Variants in PFKM observed in about 807,000 individuals in gnomAD.
PFKM encodes phosphofructokinase, muscle, also known as ATP-dependent 6-phosphofructokinase, muscle type.
In PFKM, 58 loss-of-function variants were observed where a neutral mutation model predicts 95.5. The ratio of observed to expected loss-of-function variants is 0.61; its 90% confidence interval spans 0.49 to 0.76. PFKM has a LOEUF of 0.76. Ranked by LOEUF, PFKM falls within the 30% of genes least tolerant of loss-of-function variation. The pLI, the probability that PFKM is intolerant of heterozygous loss-of-function variation, is 0.00. For synonymous variants in PFKM, 336 were observed against 357.2 expected (o/e 0.94, Z 0.67); for missense variants, 678 against 1,005.4 (o/e 0.67, Z 4.40).
intron 2 of PFKM, among the ~76,000 whole-genome samples, chr12:48,127,317 A>G (rs1473041877): frequency 1.3e-5 from 2 of 151,974 alleles, no homozygotes; most frequent in Admixed American, 1.3e-4. Flanking sequence ...ATAATTCTGC[A>G]TATTCTCTTG....
At chr12:48,130,568 G>A (rs541589811) in intron 3 of PFKM, 132 bp downstream of exon 3, 25 of 780,710 alleles carry the variant, frequency 3.2e-5, no homozygotes, top group Admixed American at 1.4e-4. Flanking sequence ...CCTTGACTCC[G>A]TAGCTTCATG....
upstream of PFKM, among the ~76,000 whole-genome samples, chr12:48,114,784 A>G (rs1299039077): frequency 6.6e-6 from 1 of 152,178 alleles, no homozygotes; most frequent in Non-Finnish European, 1.5e-5. Flanking sequence ...AAAATTATCT[A>G]GGTCTCGTAG....
At chr12:48,114,894 T>G (rs535835669), upstream of PFKM, among the ~76,000 whole-genome samples, 1 of 152,166 alleles carries the variant, frequency 6.6e-6, no homozygotes, top group Admixed American at 6.5e-5. Context: ...GATGCCTAGA[T>G]TTTAGGTCAG....
chr12:48,118,624 C>A, upstream of PFKM: 1 of 1,027,946 alleles, frequency 9.7e-7, no homozygotes, highest in Non-Finnish European at 1.5e-6. Context: ...GAGCATCTGA[C>A]CCTTTTTCCA....
chr12:48,138,813 G>A (rs1950330218), intron 11 of PFKM, among the ~76,000 whole-genome samples: 1 of 152,198 alleles, frequency 6.6e-6, no homozygotes, highest in Admixed American at 6.5e-5. Flanking sequence ...CCAGCACTTT[G>A]GGAGGCCGAG....
chr12:48,112,953 G>A (rs948351244), intron 3 of PFKM, among the ~76,000 whole-genome samples: 2 of 152,114 alleles, frequency 1.3e-5, no homozygotes, highest in Non-Finnish European at 1.5e-5. Context: ...GCCAAGGAGG[G>A]AGTAGAGGCA....
chr12:48,125,387 C>T (rs566842266), intron 2 of PFKM: 11 of 438,948 alleles, frequency 2.5e-5, no homozygotes, highest in Admixed American at 1.3e-4. Context: ...TTTGGGAGGC[C>T]GAGGCGGGCA....
In PFKM at chr12:48,132,953, G is replaced by A. The variant is rs764414989; in HGVS notation, c.323G>A (p.Arg108His). 58 of 1,613,920 alleles carry A rather than the reference G, an allele frequency of 3.6e-5. No homozygotes were observed. Among genetic ancestry groups the A allele is most frequent in the Admixed American group, 1.5e-4 (9 of 59,998 alleles). Reference sequence around the variant, plus strand: ...CGAGCTGCCTACAACCTGGTGAAGCGTGGGATCACCAATCTCTGTGTCATT... The same window carrying A: ...CGAGCTGCCTACAACCTGGTGAAGCATGGGATCACCAATCTCTGTGTCATT... The part of the protein sequence containing the change: ...RLRAAYNLVK[R>H]GITNLCVIGG... The change falls in exon 5 of 23, where the codon CGT becomes CAT. Residue 108 changes from arginine (R) to histidine (H), a missense_variant. Physicochemically the swap from Arg to His is conservative, Grantham distance 29. Coordinates refer to ENST00000359794, the MANE Select transcript of PFKM (RefSeq NM_000289.6).
upstream of PFKM, chr12:48,105,431 G>T (rs1032933182): frequency 1.9e-6 from 1 of 518,938 alleles, no homozygotes; most frequent in Non-Finnish European, 3.8e-6. Context: ...TAAGCAAATT[G>T]TGGCAGTTAA....
At chr12:48,125,238 C>T (rs746149309) in intron 2 of PFKM, 1 of 402,040 alleles carries the variant, frequency 2.5e-6, no homozygotes, top group Non-Finnish European at 4.9e-6. Flanking sequence ...TGGAAAGGAC[C>T]TCAGTCAGTC....
rs186046622 is a variant in PFKM, at chr12:48,125,823, G to A, written c.85+2964G>A. 8.4e-3 allele frequency among the ~76,000 whole-genome samples: 1,269 copies of A among 151,956 alleles called. 15 individuals are homozygous for A. The highest frequency in any genetic ancestry group is 0.028 in the African/African-American group (1,149 of 41,462). ...TTACCTCTCTGGCTTGCTATTCTAA[G>A]GTTTATAATTTTTACTTATGATATC... On this transcript the variant is annotated intron_variant, in intron 2 of 22. Transcript: ENST00000359794.
Position 48,107,235 on chromosome 12 carries a change from G to A in PFKM, c.-9-130G>A. On this transcript the variant is annotated intron_variant, in intron 1 of 24. Coordinates refer to the PFKM transcript ENST00000340802. ...GTAGATTATTTGTATTGCCTCATGT[G>A]CTGATACTTTTATATTATATTGTCA... The A allele has an allele frequency of 4.6e-6, 3 of 655,996 alleles. No individual in the cohort carries two copies. The East Asian group carries it at 7.8e-5, about 17-fold the overall frequency. 40.6% of individuals were successfully genotyped at this position (655,996 alleles called of 1,614,324 possible).
At chr12:48,143,031 T>C (rs999323033) in intron 18 of PFKM, 85 bp downstream of exon 18, 162 of 1,314,864 alleles carry the variant, frequency 1.2e-4, no homozygotes, top group Non-Finnish European at 2.9e-5. Flanking sequence ...AGAGCTCAAG[T>C]TGAGGACCGA....
At chr12:48,118,470 T>C (rs1344870273), upstream of PFKM, 2 of 1,369,218 alleles carry the variant, frequency 1.5e-6, no homozygotes, top group African/African-American at 1.4e-5. Flanking sequence ...GCATTTGTAT[T>C]GTTTGTGCCA....
Position 48,142,232 on chromosome 12 carries a change from G to A in PFKM, c.1653+166G>A, listed in dbSNP as rs995407297. The A allele has an allele frequency of 1.3e-5, 10 of 747,418 alleles. No homozygotes were observed. The African/African-American group carries it at 1.7e-4, about 13-fold the overall frequency. The allele number at this position is 747,418 out of a possible 1,614,324, so 46.3% of individuals were successfully genotyped here. A position where few individuals can be genotyped will look rare whatever the true frequency, so the allele number is the denominator to read the frequency against. On this transcript the variant is annotated intron_variant, in intron 17 of 22. Transcript: ENST00000359794. ...TCACACTTCTAATCCCAGCACTTTG[G>A]GAGGCCAAGGCAGGCAGATCACTTG... is the stretch of plus-strand genomic sequence containing the variant.
chr12:48,144,267 G>A (rs1350160075), intron 20 of PFKM, 110 bp downstream of exon 20: 1 of 764,048 alleles, frequency 1.3e-6, no homozygotes, highest in Non-Finnish European at 2.3e-6. Context: ...TCTTCTGGAG[G>A]AGCCTGTCAG....
chr12:48,107,454 A>G (rs1266029185), exon 2 of PFKM: 6 of 1,582,890 alleles, frequency 3.8e-6, no homozygotes, highest in African/African-American at 1.3e-5. Context: ...CTCAGAGAAC[A>G]GGTACCCTTG....
chr12:48,129,974 A>G (rs963837673), intron 2 of PFKM, among the ~76,000 whole-genome samples: 11 of 152,216 alleles, frequency 7.2e-5, no homozygotes, highest in African/African-American at 2.7e-4. Flanking sequence ...AATGGAGACA[A>G]TTCCAGGATT....
At chr12:48,142,133 C>G (rs1176643773) in intron 17 of PFKM, 67 bp downstream of exon 17, 5 of 1,426,324 alleles carry the variant, frequency 3.5e-6, no homozygotes, top group Non-Finnish European at 5.0e-6. Context: ...GAGTGTGGTC[C>G]CAAACAGTGA....
Sources: gnomAD v4.1 joint callset for allele counts (sites outside exome capture counted in the v4.1 genomes callset) on GRCh38, gnomAD v4.1.1 for gene constraint, MANE v1.5 for transcripts, NCBI Gene and HGNC (gene_info 2026-07-23, HGNC 2026-07-21) for gene names.